EML4: variants seen among roughly 807,000 people sequenced by gnomAD.
EML4 encodes the protein echinoderm microtubule-associated protein-like 4.
EML4 carries 72 observed loss-of-function variants against 129.0 expected under a neutral mutation model. The observed-to-expected ratio is 0.56, with a 90% CI of 0.46 to 0.68. EML4 has a LOEUF of 0.68. EML4 is among the 30% of genes least tolerant of loss of function. The pLI is 0.00. For synonymous variants in EML4, 532 were observed against 405.0 expected (o/e 1.31, Z -3.77); for missense variants, 1,363 against 1,190.6 (o/e 1.14, Z -2.13).
At chr2:42,252,510 G>T (rs187145973) in intron 2 of EML4, among the ~76,000 whole-genome samples, 1 of 152,238 alleles carries the variant, frequency 6.6e-6, no homozygotes, top group Admixed American at 6.5e-5. Flanking sequence ...CTGCTTTTCA[G>T]CTTAAAACCC....
chr2:42,313,676 C>A (rs1456674655), intron 17 of EML4, among the ~76,000 whole-genome samples: 5 of 152,042 alleles, frequency 3.3e-5, no homozygotes, highest in Non-Finnish European at 7.4e-5. Flanking sequence ...GCCTGTAATC[C>A]CAGCACGTTG....
intron 2 of EML4, among the ~76,000 whole-genome samples, chr2:42,254,184 G>A (rs907591089): frequency 5.3e-5 from 8 of 152,204 alleles, no homozygotes; most frequent in African/African-American, 7.2e-5. Flanking sequence ...GTCGGGCACA[G>A]TGGCTCACGC....
At chr2:42,265,498 C>G (rs561940410) in intron 6 of EML4, among the ~76,000 whole-genome samples, 2 of 152,160 alleles carry the variant, frequency 1.3e-5, no homozygotes, top group East Asian at 1.9e-4. Context: ...CCTCAGCCCC[C>G]CAAAATGCTG....
At chr2:42,316,237 A>G (rs1358167999) in intron 18 of EML4, among the ~76,000 whole-genome samples, 187 bp downstream of exon 18, 1 of 152,256 alleles carries the variant, frequency 6.6e-6, no homozygotes, top group East Asian at 1.9e-4. Context: ...CTGAAGTTTA[A>G]ACAACATTCT....
Position 42,303,465 on chromosome 2 carries a change from G to C in EML4, c.1899+19G>C. The C allele has an allele frequency of 6.2e-7, 1 of 1,609,688 alleles. No individual in the cohort carries two copies. The highest frequency in any genetic ancestry group is 8.5e-7 in the Non-Finnish European group (1 of 1,177,036). On this transcript the variant is annotated intron_variant, in intron 16 of 22. Coordinates refer to ENST00000318522, the MANE Select transcript of EML4 (RefSeq NM_019063.5). ...GGTAGATGTGAGTGAAGCAGGATGT[G>C]ATTATTAACCTCCCCACAGAAACTC...
chr2:42,199,789 G>A (rs1204231512), intron 1 of EML4, among the ~76,000 whole-genome samples: 1 of 152,182 alleles, frequency 6.6e-6, no homozygotes, highest in Admixed American at 6.5e-5. Flanking sequence ...AGAAGGAACC[G>A]AAGCGTCACA....
chr2:42,265,954 A>G (rs1179534774), intron 6 of EML4, among the ~76,000 whole-genome samples: 1 of 152,222 alleles, frequency 6.6e-6, no homozygotes, highest in African/African-American at 2.4e-5. Context: ...GATTGCCTGC[A>G]AATTTAATTG....
At chr2:42,188,554 C>CTT (rs35681448) in intron 1 of EML4, among the ~76,000 whole-genome samples, 22 of 151,078 alleles carry the variant, frequency 1.5e-4, no homozygotes, top group East Asian at 3.9e-4. Context: ...TTTAAAATTA[C>CTT]TTTTTTTTTG....
rs796708971 is a variant in EML4, at chr2:42,294,696, T to TA, written c.1219-415dup. On this transcript the variant is annotated intron_variant, in intron 11 of 22. Transcript: ENST00000318522. ...TGGGTGACAGAGCAAGACTGTGTCT[T>TA]AAAAAAAAAAAAAATTGTTGCGTGA... 3.5e-3 allele frequency among the ~76,000 whole-genome samples: 500 copies of TA among 143,424 alleles called. 2 individuals are homozygous for TA. The highest frequency in any genetic ancestry group is 0.033 in the Middle Eastern group (9 of 274). 94.1% of individuals were successfully genotyped at this position (143,424 alleles called of 152,430 possible). A position where few individuals can be genotyped will look rare whatever the true frequency, so the allele number is the denominator to read the frequency against.
chr2:42,215,674 A>G (rs990588686), intron 1 of EML4, among the ~76,000 whole-genome samples: 5 of 152,216 alleles, frequency 3.3e-5, no homozygotes, highest in Admixed American at 2.0e-4. Flanking sequence ...TGAATTTAAA[A>G]GTAAGTTGCG....
intron 1 of EML4, among the ~76,000 whole-genome samples, chr2:42,209,016 C>G (rs1371609504): frequency 6.6e-6 from 1 of 152,090 alleles, no homozygotes; most frequent in Non-Finnish European, 1.5e-5. Flanking sequence ...ATGGTTTTAT[C>G]CCCTAAGAGT....
At chr2:42,253,378 A>T (rs1675902984) in intron 2 of EML4, among the ~76,000 whole-genome samples, 1 of 152,242 alleles carries the variant, frequency 6.6e-6, no homozygotes, top group Non-Finnish European at 1.5e-5. Context: ...CATCTCTGAA[A>T]TTACGATGCA....
At position 42,264,935 on chromosome 2, in the gene EML4, C is replaced by G. The variant is rs542467913; in HGVS notation, c.667+204C>G. ...CTCAACCAGCAAAAATGTCAACTCG[C>G]GAAAAAAACAGCCAAGGTAAGAATA... On this transcript the variant is annotated intron_variant, in intron 6 of 22. Coordinates refer to ENST00000318522, the MANE Select transcript of EML4 (RefSeq NM_019063.5). The G allele has an allele frequency of 4.5e-6, 7 of 1,549,720 alleles. No homozygotes were observed. In the South Asian group the frequency reaches 6.0e-5, roughly 13 times the overall value.
chr2:42,315,814 T>G, intron 17 of EML4, 148 bp from the exon 18 acceptor site: 1 of 595,886 alleles, frequency 1.7e-6, no homozygotes, highest in Non-Finnish European at 3.0e-6. Flanking sequence ...GCCCAGAAGT[T>G]CAAGGCTGTG....
chr2:42,272,997 C>G (rs927044175), intron 6 of EML4, among the ~76,000 whole-genome samples: 2 of 152,160 alleles, frequency 1.3e-5, no homozygotes, highest in Non-Finnish European at 2.9e-5. Context: ...TTTTAATGTT[C>G]TGCTGAGGCC....
rs1488250928 is a variant in EML4, at chr2:42,317,463, T to A, written c.2093T>A (p.Phe698Tyr). 2 of 1,613,054 alleles carry A rather than the reference T, an allele frequency of 1.2e-6. No individual in the cohort carries two copies. Among genetic ancestry groups the A allele is most frequent in the Non-Finnish European group, 1.7e-6 (2 of 1,179,450 alleles). ...TFLAVGSHDN[F>Y]IYLYVVSENG... ...CTGGCTGTAGGATCTCATGACAACT[T>A]TATTTACCTCTATGTAGTCTCTGAA... Residue 698 changes from phenylalanine (F) to tyrosine (Y), a missense_variant, in exon 19 of 23, where the codon TTT (phenylalanine) becomes TAT (tyrosine). By Grantham distance (22) the Phe-to-Tyr change is conservative. Coordinates refer to ENST00000318522, the MANE Select transcript of EML4 (RefSeq NM_019063.5).
At chr2:42,175,492 A>C (rs1670548102) in intron 1 of EML4, among the ~76,000 whole-genome samples, 1 of 150,058 alleles carries the variant, frequency 6.7e-6, no homozygotes, top group Non-Finnish European at 1.5e-5. Flanking sequence ...TATCTATATT[A>C]TTTTTATTTT....
chr2:42,254,858 C>T (rs1676022305), intron 2 of EML4, among the ~76,000 whole-genome samples: 1 of 151,842 alleles, frequency 6.6e-6, no homozygotes, highest in African/African-American at 2.4e-5. Context: ...CAGCACTATT[C>T]CCATTAGCCA....
chr2:42,236,997 C>T (rs569258502), intron 1 of EML4, among the ~76,000 whole-genome samples: 1 of 152,174 alleles, frequency 6.6e-6, no homozygotes, highest in Non-Finnish European at 1.5e-5. Flanking sequence ...AAACCTTTGA[C>T]TAACTATAGA....
Sources: gnomAD v4.1 joint callset for allele counts (sites outside exome capture counted in the v4.1 genomes callset) on GRCh38, gnomAD v4.1.1 for gene constraint, MANE v1.5 for transcripts, NCBI Gene and HGNC (gene_info 2026-07-23, HGNC 2026-07-21) for gene names.